Variants in FREM2 observed in about 807,000 individuals in gnomAD.
FREM2 encodes FRAS1-related extracellular matrix protein 2.
Under a neutral mutation model 219.9 loss-of-function variants are expected in FREM2, and 119 were observed. The ratio of observed to expected loss-of-function variants is 0.54; its 90% CI spans 0.47 to 0.63. The LOEUF is 0.63. Among genes scored for constraint, FREM2 ranks in the 30% least tolerant of loss-of-function variants. FREM2 has a pLI of 0.00. For synonymous variants in FREM2, 1,562 were observed against 1,522.8 expected, an observed-to-expected ratio of 1.03 and a Z score of -0.60; for missense variants, 4,030 against 3,993.6, an observed-to-expected ratio of 1.01 and a Z score of -0.25.
chr13:38,717,462 G>C (rs1249634662), intron 2 of FREM2, among the ~76,000 whole-genome samples: 2 of 121,278 alleles, frequency 1.6e-5, no homozygotes, highest in African/African-American at 3.0e-5. Context: ...TGTCGCCCAG[G>C]CTGGAGTGCA....
Position 38,871,559 on chromosome 13 carries a change from A to G in FREM2, c.7984-1183A>G, listed in dbSNP as rs558285790. 2.0e-5 allele frequency among the ~76,000 whole-genome samples: 3 copies of G among 152,344 alleles called. No individual in the cohort carries two copies. In the South Asian group the frequency reaches 6.2e-4, roughly 32 times the overall value. On this transcript the variant is annotated intron_variant, in intron 16 of 23. Coordinates refer to ENST00000280481, the MANE Select transcript of FREM2 (RefSeq NM_207361.6). ...TGTTTGGAATACGATGAAGTAAGAC[A>G]GAATAGAAAAAAAACATGGGCCAAA...
intron 2 of FREM2, among the ~76,000 whole-genome samples, chr13:38,710,223 A>G (rs1194256227): frequency 2.0e-5 from 3 of 152,012 alleles, no homozygotes; most frequent in Non-Finnish European, 4.4e-5. Flanking sequence ...AAAAACATCA[A>G]TGATATTGGT....
intron 6 of FREM2, among the ~76,000 whole-genome samples, chr13:38,796,861 TTTTG>T (rs1331666882): frequency 2.6e-5 from 4 of 152,106 alleles, no homozygotes; most frequent in Non-Finnish European, 5.9e-5. Context: ...TTTCTGGGTT[TTTTG>T]TTTGTTTCTG....
chr13:38,859,166 T>A, intron 13 of FREM2, 121 bp from the exon 14 acceptor site: 1 of 936,770 alleles, frequency 1.1e-6, no homozygotes, highest in South Asian at 1.3e-5. Context: ...TCGGAAGCTG[T>A]ATAAACAGCA....
chr13:38,873,718 T>A (rs752209144), intron 17 of FREM2, among the ~76,000 whole-genome samples: 12 of 152,222 alleles, frequency 7.9e-5, no homozygotes, highest in Non-Finnish European at 7.3e-5. Flanking sequence ...CAGTACTGCA[T>A]TTTACTAGCC....
chr13:38,880,353 G>A lies in FREM2; in HGVS notation c.9076G>A (p.Gly3026Ser), dbSNP rs753561993. The A allele has an allele frequency of 6.2e-7, 1 of 1,613,762 alleles. No homozygotes were observed. The highest frequency in any genetic ancestry group is 1.1e-5 in the South Asian group (1 of 91,066). Residue 3026 changes from glycine (G) to serine (S), a missense_variant, in exon 24 of 24, where the codon GGT (glycine) becomes AGT (serine). Gly to Ser is a moderately conservative substitution (Grantham distance 56). This residue lies in a region of FREM2 where 928 missense variants were observed against 1,042.9 expected (regional missense o/e 0.89). Transcript: ENST00000280481. ...TVRSKDNANR[G>S]IGKRSVEYHS... Reference sequence around the variant, plus strand: ...GAGATCGAAAGACAATGCCAATCGAGGTATTGGCAAAAGAAGTGTGGAGTA... The same window carrying A: ...GAGATCGAAAGACAATGCCAATCGAAGTATTGGCAAAAGAAGTGTGGAGTA...
At chr13:38,837,698 CTTCT>C (rs1341440932) in intron 6 of FREM2, among the ~76,000 whole-genome samples, 2 of 151,918 alleles carry the variant, frequency 1.3e-5, no homozygotes, top group Non-Finnish European at 2.9e-5. Context: ...ATGTAATGCC[CTTCT>C]TTGTCTTTTT....
intron 4 of FREM2, among the ~76,000 whole-genome samples, chr13:38,779,104 A>G (rs1159230111): frequency 6.6e-6 from 1 of 152,124 alleles, no homozygotes; most frequent in African/African-American, 2.4e-5. Flanking sequence ...ATAAACCGGC[A>G]TTCTCAGCAA....
At chr13:38,833,259 A>G (rs1224694249) in intron 6 of FREM2, among the ~76,000 whole-genome samples, 1 of 152,144 alleles carries the variant, frequency 6.6e-6, no homozygotes, top group Admixed American at 6.5e-5. Context: ...TTTTTTAATA[A>G]TAAAGCTAAC....
intron 2 of FREM2, among the ~76,000 whole-genome samples, chr13:38,715,382 G>A (rs1384121175): frequency 6.6e-6 from 1 of 152,136 alleles, no homozygotes; most frequent in South Asian, 2.1e-4. Context: ...CCAAATAAAC[G>A]AAAAGTGGAC....
At chr13:38,869,267 A>G (rs531258615) in intron 16 of FREM2, among the ~76,000 whole-genome samples, 183 of 152,292 alleles carry the variant, frequency 1.2e-3, no homozygotes, top group African/African-American at 4.3e-3. Flanking sequence ...TGCCTTCTCC[A>G]ACCTCCCAAT....
intron 6 of FREM2, among the ~76,000 whole-genome samples, chr13:38,837,775 G>GTTTTTTTTTTTTTTTTTTTTTTTTTTTTT: frequency 7.8e-6 from 1 of 128,848 alleles, no homozygotes; most frequent in Non-Finnish European, 1.7e-5. Flanking sequence ...GTTTTTTTTT[G>GTTTTTTTTTTTTTTTTTTTTTTTTTTTTT]TTTTGTTTTG....
intron 16 of FREM2, among the ~76,000 whole-genome samples, chr13:38,865,944 G>A (rs115958401): frequency 0.013 from 1,931 of 152,104 alleles, 50 homozygotes; most frequent in African/African-American, 0.043. Context: ...AAGAAACATG[G>A]AAAAATAAAG....
At chr13:38,869,324 G>A (rs1335146216) in intron 16 of FREM2, among the ~76,000 whole-genome samples, 2 of 152,170 alleles carry the variant, frequency 1.3e-5, no homozygotes, top group African/African-American at 4.8e-5. Flanking sequence ...TCTGTTAACA[G>A]CAATGAAGTG....
intron 6 of FREM2, among the ~76,000 whole-genome samples, chr13:38,832,582 T>G (rs1876551534): frequency 6.6e-6 from 1 of 152,138 alleles, no homozygotes; most frequent in African/African-American, 2.4e-5. Context: ...TTTAATAAGA[T>G]ATAATAATTT....
At position 38,691,569 on chromosome 13, in the gene FREM2, T is replaced by A. The variant is rs1295438263; in HGVS notation, c.4225T>A (p.Tyr1409Asn). ...TGGAATAAATCCCCTCATAGATCGT[T>A]ACTTTTATGTGTCCATCGGGAGCAT... ...TDGINPLIDRYFYVSIGSIDI... is the reference protein window; with the variant it reads ...TDGINPLIDRNFYVSIGSIDI... The change falls in exon 1 of 24, where the codon TAC becomes AAC. Residue 1409 changes from tyrosine to asparagine, a missense_variant. Tyr to Asn is a moderately radical substitution (Grantham distance 143). Transcript: ENST00000280481. 6.2e-7 allele frequency: 1 copy of A among 1,614,078 alleles called. No individual in the cohort carries two copies. Among genetic ancestry groups the A allele is most frequent in the Non-Finnish European group, 8.5e-7 (1 of 1,180,034 alleles).
chr13:38,762,062 C>A (rs1404219465), intron 2 of FREM2, among the ~76,000 whole-genome samples: 1 of 152,062 alleles, frequency 6.6e-6, no homozygotes, highest in Admixed American at 6.6e-5. Flanking sequence ...GCATGCGTGG[C>A]GTGGCAGGGC....
intron 16 of FREM2, among the ~76,000 whole-genome samples, chr13:38,866,876 C>T (rs372022609): frequency 6.6e-6 from 1 of 152,168 alleles, no homozygotes; most frequent in Admixed American, 6.5e-5. Context: ...CCTATTATAT[C>T]TGTCCACTTT....
At chr13:38,729,010 T>G (rs1424468307) in intron 2 of FREM2, among the ~76,000 whole-genome samples, 2 of 152,168 alleles carry the variant, frequency 1.3e-5, no homozygotes, top group Admixed American at 6.5e-5. Flanking sequence ...TAATTTTGTA[T>G]TTTTAGTAGA....
Sources: gnomAD v4.1 joint callset for allele counts (sites outside exome capture counted in the v4.1 genomes callset) on GRCh38, gnomAD v4.1.1 for gene constraint, gnomAD v4.1.1 regional missense constraint, MANE v1.5 for transcripts, NCBI Gene and HGNC (gene_info 2026-07-23, HGNC 2026-07-21) for gene names.